The following GLE1 variants were observed in gnomAD, a reference collection of about 807,000 sequenced individuals.
The protein encoded by GLE1 is GLE1 RNA export mediator.
GLE1 carries 78 observed loss-of-function variants against 97.3 expected under a neutral mutation model. The observed-to-expected ratio is 0.80, with a 90% confidence interval of 0.67 to 0.97. The LOEUF is 0.97. Among genes scored for constraint, GLE1 ranks in the 50% least tolerant of loss-of-function variants. The pLI, the probability that GLE1 is intolerant of heterozygous loss-of-function variation, is 0.00. For missense variants in GLE1, 753 were observed against 857.5 expected, an observed-to-expected ratio of 0.88 and a Z score of 1.52; for synonymous variants, 302 against 313.4, an observed-to-expected ratio of 0.96 and a Z score of 0.39.
intron 13 of GLE1, among the ~76,000 whole-genome samples, chr9:128,538,461 G>C (rs747798118): frequency 6.6e-6 from 1 of 151,488 alleles, no homozygotes; most frequent in Admixed American, 6.6e-5. Context: ...TCAGGAGTTC[G>C]AGCCCAGCTG....
In GLE1 at chr9:128,522,574, C is replaced by A. The variant is rs920991775; in HGVS notation, c.433-94C>A. Reference sequence around the variant, plus strand: ...GAGCTGAGACAAGAATCGCTTGAACCCGGGAGTTGGAGGTTGCAGTGAGCT... The same window carrying A: ...GAGCTGAGACAAGAATCGCTTGAACACGGGAGTTGGAGGTTGCAGTGAGCT... On this transcript the variant is annotated intron_variant, in intron 3 of 15. Coordinates refer to ENST00000309971, the MANE Select transcript of GLE1 (RefSeq NM_001003722.2). 6.6e-6 allele frequency: 9 copies of A among 1,370,798 alleles called. No individual in the cohort carries two copies. In the Admixed American group the frequency reaches 7.1e-5, roughly 11 times the overall value. The allele number at this position is 1,370,798 out of a possible 1,614,324, so 84.9% of individuals were successfully genotyped here.
In GLE1 at chr9:128,504,726, T is replaced by A. The variant is rs1048292684; in HGVS notation, c.-80T>A. The A allele has an allele frequency of 2.1e-6, 2 of 955,876 alleles. No homozygotes were observed. Among genetic ancestry groups the A allele is most frequent in the African/African-American group, 3.2e-5 (2 of 62,720 alleles). The allele number at this position is 955,876 out of a possible 1,614,324, so 59.2% of individuals were successfully genotyped here. ...CGCGCGCGTCCCGGAAGCAGAAGCC[T>A]GTGTGGCCTTCCCGGCGGCTGATTC... is the stretch of plus-strand genomic sequence containing the variant. On this transcript the variant is annotated 5_prime_UTR_variant, in exon 1 of 16. Coordinates refer to ENST00000309971, the MANE Select transcript of GLE1 (RefSeq NM_001003722.2).
intron 14 of GLE1, 34 bp from the exon 15 acceptor site, chr9:128,540,241 T>C: frequency 7.1e-7 from 1 of 1,400,918 alleles, no homozygotes; most frequent in Non-Finnish European, 1.0e-6. Context: ...GTGTATATCA[T>C]AGGTGTGATT....
At chr9:128,506,247 AG>A (rs766667952) in intron 1 of GLE1, among the ~76,000 whole-genome samples, 1 of 152,094 alleles carries the variant, frequency 6.6e-6, no homozygotes, top group Non-Finnish European at 1.5e-5. Context: ...CGGGAGACTG[AG>A]GCATGAGAAT....
chr9:128,507,585 CAAA>C (rs373872187), intron 1 of GLE1, among the ~76,000 whole-genome samples: 2 of 75,130 alleles, frequency 2.7e-5, no homozygotes. Context: ...GCCTGTCTCT[CAAA>C]AAAAAAAAAA....
intron 3 of GLE1, among the ~76,000 whole-genome samples, chr9:128,515,908 G>C (rs1285509340): frequency 1.3e-5 from 2 of 151,628 alleles, no homozygotes; most frequent in African/African-American, 4.9e-5. Flanking sequence ...AAATGGTCTG[G>C]GATTGTTAGA....
At chr9:128,515,829 C>A (rs1332429442) in intron 3 of GLE1, among the ~76,000 whole-genome samples, 190 bp downstream of exon 3, 1 of 152,156 alleles carries the variant, frequency 6.6e-6, no homozygotes, top group Non-Finnish European at 1.5e-5. Context: ...CTGGCTGTTA[C>A]ATTTTACATG....
chr9:128,508,621 T>C (rs1417168105), intron 1 of GLE1, among the ~76,000 whole-genome samples: 1 of 152,196 alleles, frequency 6.6e-6, no homozygotes, highest in East Asian at 1.9e-4. Flanking sequence ...TCACATATGC[T>C]TTAGTGGGAA....
chr9:128,537,986 A>T lies in GLE1; in HGVS notation c.1777A>T (p.Ile593Phe). The change falls in exon 13 of 16, where the codon ATT (isoleucine) becomes TTT (phenylalanine). Residue 593 changes from isoleucine to phenylalanine, a missense_variant and splice_region_variant. By Grantham distance (21) the Ile-to-Phe change is conservative. Coordinates refer to ENST00000309971, the MANE Select transcript of GLE1 (RefSeq NM_001003722.2). ...LRWPYGNRQE[I>F]HPHGLNHGWR... ...GATAACCAAGCTTCTCTACTCCCAG[A>T]TTCACCCTCATGGCTTAAATCATGG... The T allele has an allele frequency of 6.3e-7, 1 of 1,580,080 alleles. No individual in the cohort carries two copies. Among genetic ancestry groups the T allele is most frequent in the Non-Finnish European group, 8.7e-7 (1 of 1,149,052 alleles).
At chr9:128,515,703 A>ATTCCTACGCCCT in intron 3 of GLE1, 64 bp downstream of exon 3, 1 of 840,084 alleles carries the variant, frequency 1.2e-6, no homozygotes, top group Non-Finnish European at 2.0e-6. Context: ...GCAGTTCCCC[A>ATTCCTACGCCCT]GGGCGTAGGA....
chr9:128,541,322 T>G lies in GLE1; in HGVS notation c.*152T>G. 6 of 646,364 alleles carry G rather than the reference T, an allele frequency of 9.3e-6. No individual in the cohort carries two copies. In the South Asian group the frequency reaches 1.0e-4, roughly 11 times the overall value. The allele number at this position is 646,364 out of a possible 1,614,324, so 40.0% of individuals were successfully genotyped here. A position where few individuals can be genotyped will look rare whatever the true frequency, so the allele number is the denominator to read the frequency against. ...TGCCTTGTGACTAGGAGAGGAGATT[T>G]TCATGGGTCACAAAATTCTTGGAGG... On this transcript the variant is annotated 3_prime_UTR_variant, in exon 16 of 16. Coordinates refer to ENST00000309971, the MANE Select transcript of GLE1 (RefSeq NM_001003722.2).
Position 128,515,612 on chromosome 9 carries a change from C to T in GLE1, c.405C>T (p.Tyr135=), listed in dbSNP as rs377567854. ...GIKVEGCVRM[Y]ELVHRMKGTE... ...AAGTGGAAGGCTGCGTCCGAATGTA[C>T]GAACTGGTACACAGAATGAAAGGAA... The change falls in exon 3 of 16, where the codon TAC becomes TAT. Residue 135 remains tyrosine (Y), a synonymous_variant. Coordinates refer to ENST00000309971, the MANE Select transcript of GLE1 (RefSeq NM_001003722.2). 1.3e-5 allele frequency: 20 copies of T among 1,589,964 alleles called. No homozygotes were observed. Among genetic ancestry groups the T allele is most frequent in the African/African-American group, 4.0e-5 (3 of 74,420 alleles).
At chr9:128,539,774 A>C in intron 14 of GLE1, 76 bp downstream of exon 14, 2 of 1,611,448 alleles carry the variant, frequency 1.2e-6, no homozygotes, top group South Asian at 2.2e-5. Context: ...GGGTGCTATT[A>C]CCTGCTGGTT....
intron 2 of GLE1, among the ~76,000 whole-genome samples, chr9:128,509,775 A>G (rs1846750501): frequency 6.6e-6 from 1 of 152,014 alleles, no homozygotes; most frequent in Non-Finnish European, 1.5e-5. Context: ...CCTGGGCAAC[A>G]TAGTGAGACC....
At chr9:128,538,213 A>G in intron 13 of GLE1, 123 bp downstream of exon 13, 1 of 702,478 alleles carries the variant, frequency 1.4e-6, no homozygotes, top group South Asian at 1.5e-5. Flanking sequence ...ATGAGGTTCC[A>G]GTGTCATACA....
At chr9:128,522,904 C>T (rs1041500652) in intron 4 of GLE1, 88 bp downstream of exon 4, 8 of 1,457,852 alleles carry the variant, frequency 5.5e-6, no homozygotes, top group South Asian at 4.6e-5. Flanking sequence ...AAGAGTTGAA[C>T]AACTTCTGAG....
chr9:128,508,845 A>G, intron 1 of GLE1, 31 bp from the exon 2 acceptor site: 1 of 1,227,110 alleles, frequency 8.1e-7, no homozygotes, highest in Non-Finnish European at 1.2e-6. Flanking sequence ...GTTGACGTGT[A>G]AGTTGAGCTT....
chr9:128,532,913 C>T (rs1273137251), intron 9 of GLE1, among the ~76,000 whole-genome samples: 1 of 152,210 alleles, frequency 6.6e-6, no homozygotes, highest in Non-Finnish European at 1.5e-5. Context: ...GGGGGCATAT[C>T]ATCATGAGCT....
At chr9:128,512,589 C>T (rs1177071171) in intron 2 of GLE1, among the ~76,000 whole-genome samples, 2 of 151,982 alleles carry the variant, frequency 1.3e-5, no homozygotes, top group Admixed American at 1.3e-4. Flanking sequence ...AATATTGTGG[C>T]GTGCCCTCAG....
Sources: gnomAD v4.1 joint callset for allele counts (sites outside exome capture counted in the v4.1 genomes callset) on GRCh38, gnomAD v4.1.1 for gene constraint, MANE v1.5 for transcripts, NCBI Gene and HGNC (gene_info 2026-07-23, HGNC 2026-07-21) for gene names.